The following ZDHHC16 variants were observed in gnomAD, a reference collection of about 807,000 sequenced individuals.
ZDHHC16 encodes the protein palmitoyltransferase ZDHHC16.
In ZDHHC16, 33 loss-of-function variants were observed where a neutral mutation model predicts 54.4. That is an observed-to-expected ratio of 0.61 (90% CI 0.46 to 0.81). The LOEUF (loss-of-function observed/expected upper bound fraction) is 0.81, where lower values mean the gene tolerates loss of function less well. Among genes scored for constraint, ZDHHC16 ranks in the 30% least tolerant of loss-of-function variants. ZDHHC16 has a pLI of 0.00. For missense variants in ZDHHC16, 420 were observed against 485.9 expected, an observed-to-expected ratio of 0.86 and a Z score of 1.28; for synonymous variants, 185 against 182.1, an observed-to-expected ratio of 1.02 and a Z score of -0.13.
In ZDHHC16 at chr10:97,451,913, G is replaced by T. The variant is rs1319049268; in HGVS notation, c.238G>T (p.Gly80Ter). ...WLVDNVIRWF[G>*]VVFVVLVIVL... ...GGTAGACAACGTGATCCGCTGGTTT[G>T]GAGTGGTGAGTGATGTCCAGGGAGC... The change falls in exon 3 of 12, where the codon GGA (glycine) becomes TGA (stop). Residue 80 changes from glycine to a stop codon, truncating the protein, a stop_gained. Coordinates refer to ENST00000393760, the MANE Select transcript of ZDHHC16 (RefSeq NM_198046.3). LOFTEE classifies it high-confidence loss of function. 1.2e-6 allele frequency: 2 copies of T among 1,610,020 alleles called. No individual in the cohort carries two copies. Among genetic ancestry groups the T allele is most frequent in the Non-Finnish European group, 1.7e-6 (2 of 1,177,726 alleles).
chr10:97,451,646 TC>T, intron 2 of ZDHHC16, 24 bp from the exon 3 acceptor site: 1 of 1,592,414 alleles, frequency 6.3e-7, no homozygotes, highest in Non-Finnish European at 8.5e-7. Context: ...TCAGACTAGA[TC>T]CTCACAATGG....
At chr10:97,450,571 C>T (rs1200222139) in intron 2 of ZDHHC16, 35 bp downstream of exon 2, 1 of 152,228 alleles carries the variant, frequency 6.6e-6, no homozygotes, top group African/African-American at 2.4e-5. Flanking sequence ...CTTTAATCTG[C>T]AGAACTGATG....
intron 9 of ZDHHC16, 103 bp downstream of exon 9, chr10:97,454,902 C>T: frequency 2.1e-6 from 2 of 968,894 alleles, no homozygotes; most frequent in South Asian, 2.8e-5. Context: ...ACTGCCACTG[C>T]TCTAGTCTAA....
rs1846891760 is a variant in ZDHHC16, at chr10:97,453,830, A to G, written c.722A>G (p.Gln241Arg). The change falls in exon 8 of 12, where the codon CAG becomes CGG. Residue 241 changes from glutamine (Q) to arginine (R), a missense_variant. Transcript: ENST00000393760. ...AAACAGCTCGACAAGAACAAACTACAGGCGGTTGCCAACCAGGTGGGCTGT... is the reference window on the plus strand; with the variant it reads ...AAACAGCTCGACAAGAACAAACTACGGGCGGTTGCCAACCAGGTGGGCTGT... The part of the protein sequence containing the change: ...KMKQLDKNKL[Q>R]AVANQTYHQT... 1.2e-6 allele frequency: 2 copies of G among 1,614,218 alleles called. No homozygotes were observed.
intron 5 of ZDHHC16, 137 bp downstream of exon 5, chr10:97,452,640 A>G (rs1175781466): frequency 3.9e-6 from 4 of 1,036,502 alleles, no homozygotes; most frequent in East Asian, 5.1e-5. Flanking sequence ...TTCTCCTGAC[A>G]CCTCATCCTT....
chr10:97,456,758 T>C lies in ZDHHC16; in HGVS notation c.1020-19T>C, dbSNP rs1564809816. ...CCAAGAATTCTTGAACTCAGAGACA[T>C]TTCTCTCTTCTCTTCTAGGCACTGG... On this transcript the variant is annotated intron_variant, in intron 11 of 11. Transcript: ENST00000393760. 5.1e-6 allele frequency: 8 copies of C among 1,567,158 alleles called. No homozygotes were observed. Among genetic ancestry groups the C allele is most frequent in the Admixed American group, 1.7e-5 (1 of 57,826 alleles).
chr10:97,451,342 T>A (rs1046326860), intron 2 of ZDHHC16: 6 of 307,956 alleles, frequency 1.9e-5, no homozygotes, highest in African/African-American at 1.3e-4. Context: ...CTGCTTTGAT[T>A]TGGAGTGGCC....
At chr10:97,455,558 TAG>T (rs1220810907) in intron 9 of ZDHHC16, 100 bp from the exon 10 acceptor site, 5 of 1,587,588 alleles carry the variant, frequency 3.1e-6, no homozygotes, top group African/African-American at 2.7e-5. Context: ...AAGACTTAGG[TAG>T]AGAGGTTCCA....
chr10:97,448,074 G>A (rs1231409478), intron 1 of ZDHHC16: 1 of 152,224 alleles, frequency 6.6e-6, no homozygotes, highest in African/African-American at 2.4e-5. Flanking sequence ...GCGTCTAGGA[G>A]CTTTCTGTTT....
chr10:97,453,448 C>G, intron 6 of ZDHHC16, 82 bp from the exon 7 acceptor site: 2 of 1,550,092 alleles, frequency 1.3e-6, no homozygotes, highest in African/African-American at 2.7e-5. Context: ...GTGATATTGT[C>G]AGGAACCAGG....
Position 97,455,732 on chromosome 10 carries a change from C to T in ZDHHC16, c.897C>T (p.Ile299=), listed in dbSNP as rs375481423. ...AVLISRGETS[I]ERHINKKERR... is the part of the protein sequence containing the mutation. ...TCATCAGTCGAGGTGAGACTAGCAT[C>T]GAAAGGCACATCAACAAGAAGGAGA... The change falls in exon 10 of 12, where the codon ATC becomes ATT. Residue 299 remains isoleucine (I), a synonymous_variant. Transcript: ENST00000393760. The T allele has an allele frequency of 9.3e-6, 15 of 1,613,994 alleles. No homozygotes were observed. Among genetic ancestry groups the T allele is most frequent in the African/African-American group, 5.3e-5 (4 of 74,898 alleles).
chr10:97,452,936 T>G lies in ZDHHC16; in HGVS notation c.556+13T>G. 3.7e-6 allele frequency: 6 copies of G among 1,614,210 alleles called. No individual in the cohort carries two copies. Among genetic ancestry groups the G allele is most frequent in the Non-Finnish European group, 5.1e-6 (6 of 1,180,028 alleles). ...GATCACCACTGCCGTATCCTTTTGC[T>G]TTCTCTTCTGCCTGAGGCCTTCTTT... On this transcript the variant is annotated intron_variant, in intron 6 of 11. Coordinates refer to ENST00000393760, the MANE Select transcript of ZDHHC16 (RefSeq NM_198046.3).
In ZDHHC16 at chr10:97,452,898, T is replaced by C; in HGVS notation, c.531T>C (p.Cys177=). The part of the protein sequence containing the change: ...RTHHCSICNR[C]VLKMDHHCPW... ...AGCCTGTGTCCCTTCCTCACAGGTG[T>C]GTGCTGAAGATGGATCACCACTGCC... The change falls in exon 6 of 12, where the codon TGT becomes TGC. Residue 177 remains cysteine (C), a synonymous_variant. Transcript: ENST00000393760. The C allele has an allele frequency of 6.2e-7, 1 of 1,614,232 alleles. No individual in the cohort carries two copies. The highest frequency in any genetic ancestry group is 1.3e-5 in the African/African-American group (1 of 75,066).
intron 1 of ZDHHC16, among the ~76,000 whole-genome samples, chr10:97,447,065 C>G (rs181281672): frequency 3.9e-5 from 6 of 152,194 alleles, no homozygotes; most frequent in Non-Finnish European, 8.8e-5. Context: ...CTCTTCGCGG[C>G]CCCTCATCCC....
rs139826669 is a variant in ZDHHC16, at chr10:97,455,715, C to T, written c.880C>T (p.Arg294Ter). The change falls in exon 10 of 12, where the codon CGA (arginine) becomes TGA (stop). Residue 294 changes from arginine (R) to a stop codon, truncating the protein, a stop_gained. Transcript: ENST00000393760. LOFTEE classifies it high-confidence loss of function. ...TGTATGGCATGCTGTTCTCATCAGTCGAGGTGAGACTAGCATCGAAAGGCA... is the reference window on the plus strand; with the variant it reads ...TGTATGGCATGCTGTTCTCATCAGTTGAGGTGAGACTAGCATCGAAAGGCA... The part of the protein sequence containing the change: ...LTVWHAVLIS[R>*]GETSIERHIN... 4.3e-6 allele frequency: 7 copies of T among 1,613,982 alleles called. No homozygotes were observed. Among genetic ancestry groups the T allele is most frequent in the East Asian group, 2.2e-5 (1 of 44,896 alleles).
At position 97,452,135 on chromosome 10, in the gene ZDHHC16, A is replaced by T; in HGVS notation, c.289A>T (p.Ile97Phe). ...CGTGCTGACAGGCTCCATTGTAGCTATCGCCTACCTGTGTGTCCTGCCTCT... is the reference window on the plus strand; with the variant it reads ...CGTGCTGACAGGCTCCATTGTAGCTTTCGCCTACCTGTGTGTCCTGCCTCT... ...VIVLTGSIVA[I>F]AYLCVLPLIL... Residue 97 changes from isoleucine (I) to phenylalanine (F), a missense_variant, in exon 4 of 12, where the codon ATC becomes TTC. Coordinates refer to ENST00000393760, the MANE Select transcript of ZDHHC16 (RefSeq NM_198046.3). 7 of 1,614,036 alleles carry T rather than the reference A, an allele frequency of 4.3e-6. No homozygotes were observed. Among genetic ancestry groups the T allele is most frequent in the Non-Finnish European group, 5.9e-6 (7 of 1,180,030 alleles).
Position 97,448,724 on chromosome 10 carries a change from C to T in ZDHHC16, c.-185-1633C>T, listed in dbSNP as rs1331836842. ...AGTGAGCCGAGATCTTGCCACTGCA[C>T]TACAGCCTGGGCAACAGAGCGAGAC... is the stretch of plus-strand genomic sequence containing the variant. On this transcript the variant is annotated intron_variant, in intron 1 of 11. Transcript: ENST00000393760. 2.6e-5 allele frequency among the ~76,000 whole-genome samples: 4 copies of T among 152,050 alleles called. No individual in the cohort carries two copies. The South Asian group carries it at 6.3e-4, about 24-fold the overall frequency.
rs1340678204 is a variant in ZDHHC16, at chr10:97,452,485, A to C, written c.509A>C (p.His170Pro). Residue 170 changes from histidine to proline, a missense_variant, in exon 5 of 12, where the codon CAC becomes CCC. His to Pro is a moderately conservative substitution (Grantham distance 77, BLOSUM62 -2). Coordinates refer to ENST00000393760, the MANE Select transcript of ZDHHC16 (RefSeq NM_198046.3). ...TACCCCAAGCCAGCCCGAACACACCACTGCAGCATCTGCAACAGGTGGGTC... is the reference window on the plus strand; with the variant it reads ...TACCCCAAGCCAGCCCGAACACACCCCTGCAGCATCTGCAACAGGTGGGTC... ...CIYPKPARTH[H>P]CSICNRCVLK... 1 of 1,614,152 alleles carries C rather than the reference A, an allele frequency of 6.2e-7. No homozygotes were observed.
chr10:97,453,930 T>C, intron 8 of ZDHHC16, 84 bp downstream of exon 8: 4 of 1,586,284 alleles, frequency 2.5e-6, no homozygotes, highest in Admixed American at 3.4e-5. Context: ...GACCTGCCCA[T>C]GTAGTTGTAG....
Sources: allele counts gnomAD v4.1 joint callset (sites outside exome capture counted in the v4.1 genomes callset), GRCh38; gene constraint gnomAD v4.1.1; transcripts MANE v1.5; gene names NCBI Gene and HGNC (gene_info 2026-07-23, HGNC 2026-07-21).